Variants in KCNMB4 observed in about 807,000 individuals in gnomAD.
The protein encoded by KCNMB4 is calcium-activated potassium channel subunit beta-4.
KCNMB4 carries 3 observed loss-of-function variants against 20.7 expected under a neutral mutation model. The ratio of observed to expected loss-of-function variants is 0.14; its 90% confidence interval spans 0.07 to 0.37. The LOEUF is 0.37. Among genes scored for constraint, KCNMB4 ranks in the 10% least tolerant of loss-of-function variants. The probability of loss-of-function intolerance (pLI) is 1.00; values close to 1 mark genes in which losing one functional copy is unlikely to be tolerated. For missense variants in KCNMB4, 168 were observed against 265.9 expected, an observed-to-expected ratio of 0.63 and a Z score of 2.56; for synonymous variants, 110 against 113.4, an observed-to-expected ratio of 0.97 and a Z score of 0.19.
Position 70,434,225 on chromosome 12 carries a change from C to G in KCNMB4, c.*3572C>G, listed in dbSNP as rs1017753407. 1 of 152,164 alleles carries G rather than the reference C, an allele frequency of 6.6e-6. No homozygotes were observed. The highest frequency in any genetic ancestry group is 2.4e-5 in the African/African-American group (1 of 41,416). The allele number at this position is 152,164 out of a possible 1,614,324, so 9.4% of individuals were successfully genotyped here. On this transcript the variant is annotated 3_prime_UTR_variant, in exon 3 of 3. Transcript: ENST00000258111. ...CAAACCAATTAAGCCGTTTCTCGACCCTCCTGGGAGCCTGCCCTATCTCCC... is the reference window on the plus strand; with the variant it reads ...CAAACCAATTAAGCCGTTTCTCGACGCTCCTGGGAGCCTGCCCTATCTCCC...
At chr12:70,401,477 A>T (rs1202122876) in intron 2 of KCNMB4, among the ~76,000 whole-genome samples, 1 of 152,292 alleles carries the variant, frequency 6.6e-6, no homozygotes, top group East Asian at 1.9e-4. Context: ...GCCACTCTCC[A>T]TAGTACTGCC....
At chr12:70,429,129 A>G (rs1869290325) in intron 2 of KCNMB4, among the ~76,000 whole-genome samples, 1 of 152,208 alleles carries the variant, frequency 6.6e-6, no homozygotes, top group Admixed American at 6.5e-5. Flanking sequence ...GTCAATCTTC[A>G]GGGAAAATGG....
rs1869431392 is a variant in KCNMB4, at chr12:70,433,924, C to G, written c.*3271C>G. Reference sequence around the variant, plus strand: ...TGCTTGCTGGTGCAGACTTTTAGACCTAGATTGCCTTAGAGACTGAAAAAT... The same window carrying G: ...TGCTTGCTGGTGCAGACTTTTAGACGTAGATTGCCTTAGAGACTGAAAAAT... On this transcript the variant is annotated 3_prime_UTR_variant, in exon 3 of 3. Coordinates refer to ENST00000258111, the MANE Select transcript of KCNMB4 (RefSeq NM_014505.6). The G allele has an allele frequency of 1.3e-5, 2 of 152,226 alleles. No homozygotes were observed. Among genetic ancestry groups the G allele is most frequent in the Non-Finnish European group, 2.9e-5 (2 of 68,046 alleles). 9.4% of individuals were successfully genotyped at this position (152,226 alleles called of 1,614,324 possible).
intron 1 of KCNMB4, among the ~76,000 whole-genome samples, chr12:70,393,459 C>A (rs1040701245): frequency 1.3e-5 from 2 of 152,106 alleles, no homozygotes; most frequent in Middle Eastern, 3.2e-3. Flanking sequence ...CCTTGGCCCC[C>A]CAAAGTGCTG....
chr12:70,426,146 T>C (rs537672162), intron 2 of KCNMB4, among the ~76,000 whole-genome samples: 5 of 151,772 alleles, frequency 3.3e-5, no homozygotes, highest in African/African-American at 1.2e-4. Flanking sequence ...GTACAAAAAT[T>C]AGTGGGGTGT....
At chr12:70,385,305 A>G (rs925979496) in intron 1 of KCNMB4, among the ~76,000 whole-genome samples, 1 of 152,168 alleles carries the variant, frequency 6.6e-6, no homozygotes, top group Non-Finnish European at 1.5e-5. Flanking sequence ...GGAGGACATC[A>G]CACAGTGTTG....
chr12:70,412,105 G>A (rs77881170), intron 2 of KCNMB4, among the ~76,000 whole-genome samples: 29 of 152,350 alleles, frequency 1.9e-4, no homozygotes, highest in Non-Finnish European at 3.5e-4. Context: ...ATTTAGAGAA[G>A]TACATGATGC....
chr12:70,367,025 G>T lies in KCNMB4; in HGVS notation c.291G>T (p.Arg97Ser). The T allele has an allele frequency of 6.3e-7, 1 of 1,578,510 alleles. No individual in the cohort carries two copies. ...VYVNNSESNS[R>S]ALLHSDEHQL... ...TGAACAACTCTGAGTCCAACTCTAG[G>T]GCGCTGCTGCACAGCGACGAGCACC... The change falls in exon 1 of 3, where the codon AGG becomes AGT. Residue 97 changes from arginine (R) to serine (S), a missense_variant. By Grantham distance (110) the Arg-to-Ser change is moderately radical (BLOSUM62 -1). Coordinates refer to ENST00000258111, the MANE Select transcript of KCNMB4 (RefSeq NM_014505.6).
chr12:70,420,039 T>C (rs560760511), intron 2 of KCNMB4, among the ~76,000 whole-genome samples: 1 of 152,322 alleles, frequency 6.6e-6, no homozygotes, highest in South Asian at 2.1e-4. Flanking sequence ...GTAAATCTTA[T>C]AACTCAGATT....
chr12:70,383,181 G>A (rs992728665), intron 1 of KCNMB4, among the ~76,000 whole-genome samples: 4 of 152,202 alleles, frequency 2.6e-5, no homozygotes, highest in Non-Finnish European at 5.9e-5. Context: ...GTAAGGTGAT[G>A]GACGTGCTAA....
chr12:70,387,087 A>AT (rs35773387), intron 1 of KCNMB4, among the ~76,000 whole-genome samples: 26,236 of 151,774 alleles, frequency 0.17, 2,436 homozygotes, highest in East Asian at 0.34. Flanking sequence ...TTGTGTGTCT[A>AT]TTATGCTTTA....
At chr12:70,379,865 G>A (rs1177304583) in intron 1 of KCNMB4, among the ~76,000 whole-genome samples, 1 of 152,208 alleles carries the variant, frequency 6.6e-6, no homozygotes, top group East Asian at 1.9e-4. Context: ...TTAAAGAAAT[G>A]TTGTGGCTGG....
chr12:70,398,110 T>G (rs139697536), intron 1 of KCNMB4, among the ~76,000 whole-genome samples: 3 of 152,286 alleles, frequency 2.0e-5, no homozygotes, highest in African/African-American at 7.2e-5. Context: ...TGCTGGCCCC[T>G]AAGGAAGGAC....
chr12:70,391,407 A>G (rs1369473665), intron 1 of KCNMB4, among the ~76,000 whole-genome samples: 2 of 151,970 alleles, frequency 1.3e-5, no homozygotes, highest in African/African-American at 4.8e-5. Context: ...GGCTCAAGCT[A>G]TCCTCACCTC....
At chr12:70,393,265 C>T (rs748568024) in intron 1 of KCNMB4, among the ~76,000 whole-genome samples, 14 of 152,016 alleles carry the variant, frequency 9.2e-5, no homozygotes, top group East Asian at 1.9e-4. Context: ...TGCAGTGGCG[C>T]GATCTCGGCT....
chr12:70,412,102 G>C (rs1294441865), intron 2 of KCNMB4, among the ~76,000 whole-genome samples: 1 of 152,208 alleles, frequency 6.6e-6, no homozygotes, highest in Non-Finnish European at 1.5e-5. Context: ...CAGATTTAGA[G>C]AAGTACATGA....
chr12:70,405,277 TA>T (rs1868568076), intron 2 of KCNMB4, among the ~76,000 whole-genome samples: 1 of 152,112 alleles, frequency 6.6e-6, no homozygotes, highest in African/African-American at 2.4e-5. Context: ...AAGGAACTCC[TA>T]CAACTCAATA....
intron 1 of KCNMB4, among the ~76,000 whole-genome samples, chr12:70,367,823 C>T (rs1412815823): frequency 6.6e-6 from 1 of 151,106 alleles, no homozygotes; most frequent in Admixed American, 6.6e-5. Flanking sequence ...AATATGACTT[C>T]TCTGACAACT....
Position 70,400,326 on chromosome 12 carries a change from C to G in KCNMB4, c.454C>G (p.Gln152Glu), listed in dbSNP as rs772023848. Residue 152 changes from glutamine to glutamate, a missense_variant, in exon 2 of 3, where the codon CAA becomes GAA. By Grantham distance (29) the Gln-to-Glu change is conservative. Transcript: ENST00000258111. ...GSQPFTCYFNQHQRPDDVLLH... is the reference protein window; with the variant it reads ...GSQPFTCYFNEHQRPDDVLLH... ...CCAGCCATTTACTTGCTATTTTAAT[C>G]AACATCAAAGGTAAGTCAATATTTG... 2 of 1,604,790 alleles carry G rather than the reference C, an allele frequency of 1.2e-6. No individual in the cohort carries two copies. The highest frequency in any genetic ancestry group is 1.3e-5 in the African/African-American group (1 of 74,462).
Sources: gnomAD v4.1 joint callset for allele counts (sites outside exome capture counted in the v4.1 genomes callset) on GRCh38, gnomAD v4.1.1 for gene constraint, MANE v1.5 for transcripts, NCBI Gene and HGNC (gene_info 2026-07-23, HGNC 2026-07-21) for gene names.